The following SIL1 variants were observed in gnomAD, a reference collection of about 807,000 sequenced individuals.
The protein encoded by SIL1 is SIL1 nucleotide exchange factor.
Under a neutral mutation model 49.1 loss-of-function variants are expected in SIL1, and 40 were observed. The observed-to-expected ratio is 0.81, with a 90% CI of 0.63 to 1.06. The LOEUF is 1.06. Among genes scored for constraint, SIL1 ranks in the 50% least tolerant of loss-of-function variants. The pLI is 0.00. For missense variants in SIL1, 500 were observed against 572.6 expected, an observed-to-expected ratio of 0.87 and a Z score of 1.29; for synonymous variants, 253 against 250.8, an observed-to-expected ratio of 1.01 and a Z score of -0.08.
chr5:139,046,475 C>T (rs1387257219), intron 4 of SIL1, among the ~76,000 whole-genome samples: 2 of 152,190 alleles, frequency 1.3e-5, no homozygotes, highest in Non-Finnish European at 2.9e-5. Context: ...TCTCTCTTCT[C>T]CTATAGTCAC....
At chr5:138,970,526 A>G (rs1004929017) in intron 7 of SIL1, among the ~76,000 whole-genome samples, 10 of 152,196 alleles carry the variant, frequency 6.6e-5, no homozygotes, top group African/African-American at 2.4e-4. Flanking sequence ...ACTGGGTCCC[A>G]TTATGAAGAG....
intron 7 of SIL1, among the ~76,000 whole-genome samples, chr5:138,991,861 A>G (rs1210269032): frequency 2.2e-4 from 34 of 152,388 alleles, no homozygotes; most frequent in Admixed American, 2.2e-3. Context: ...GAACCCATCC[A>G]GAAGGGGCTT....
chr5:139,123,839 TG>T (rs758490674), intron 2 of SIL1, among the ~76,000 whole-genome samples: 17 of 152,232 alleles, frequency 1.1e-4, no homozygotes, highest in Non-Finnish European at 2.2e-4. Context: ...CAGATTTTTA[TG>T]TGAAATGTTC....
At chr5:139,079,098 G>A (rs1316713571) in intron 3 of SIL1, among the ~76,000 whole-genome samples, 3 of 152,202 alleles carry the variant, frequency 2.0e-5, no homozygotes, top group Non-Finnish European at 2.9e-5. Flanking sequence ...AGATAGCACA[G>A]AAGTAGATCT....
intron 3 of SIL1, chr5:139,051,283 C>T (rs1333982343): frequency 4.2e-5 from 23 of 551,354 alleles, no homozygotes; most frequent in Non-Finnish European, 6.2e-5. Flanking sequence ...AGAGGATTCA[C>T]ACTTGAATCT....
At chr5:139,119,459 G>A (rs1017983131) in intron 3 of SIL1, among the ~76,000 whole-genome samples, 17 of 152,216 alleles carry the variant, frequency 1.1e-4, no homozygotes, top group African/African-American at 7.2e-5. Flanking sequence ...GAACTTGCCT[G>A]GTTAAAAGTG....
chr5:139,127,889 A>G, intron 1 of SIL1, 36 bp from the exon 2 acceptor site: 5 of 1,330,586 alleles, frequency 3.8e-6, no homozygotes, highest in Non-Finnish European at 5.3e-6. Context: ...AAGGTCAATG[A>G]AAAGCTAATG....
intron 7 of SIL1, among the ~76,000 whole-genome samples, chr5:139,010,591 G>A (rs1475280101): frequency 6.7e-6 from 1 of 150,018 alleles, no homozygotes; most frequent in Non-Finnish European, 1.5e-5. Context: ...CATCTTTGTG[G>A]TTTTATCTAC....
At chr5:138,959,822 G>T (rs765311711) in intron 7 of SIL1, among the ~76,000 whole-genome samples, 2 of 152,164 alleles carry the variant, frequency 1.3e-5, no homozygotes, top group Non-Finnish European at 2.9e-5. Flanking sequence ...GGGCCACTCT[G>T]CCCCTAATGC....
intron 3 of SIL1, among the ~76,000 whole-genome samples, chr5:139,080,443 T>C (rs879653925): frequency 2.6e-5 from 4 of 152,234 alleles, no homozygotes; most frequent in African/African-American, 7.2e-5. Flanking sequence ...TTGAGAAAGA[T>C]AGCCTAAAGG....
intron 3 of SIL1, among the ~76,000 whole-genome samples, chr5:139,101,439 A>G (rs897267976): frequency 1.3e-5 from 2 of 152,180 alleles, no homozygotes; most frequent in African/African-American, 2.4e-5. Flanking sequence ...ATGACTACCA[A>G]CGTTGAACTT....
At chr5:139,172,661 A>G (rs1344853354) in intron 1 of SIL1, among the ~76,000 whole-genome samples, 1 of 151,916 alleles carries the variant, frequency 6.6e-6, no homozygotes, top group Non-Finnish European at 1.5e-5. Context: ...AGACAAAGAC[A>G]AAATCTTGAA....
intron 1 of SIL1, 107 bp from the exon 2 acceptor site, chr5:139,127,960 G>A (rs910013995): frequency 1.1e-5 from 8 of 742,536 alleles, no homozygotes; most frequent in Non-Finnish European, 1.7e-5. Flanking sequence ...GACATTTCCT[G>A]CATAGAGGTA....
In SIL1 at chr5:138,947,248, C is replaced by T. The variant is rs398124389; in HGVS notation, c.1255G>A (p.Gly419Ser). The change falls in exon 10 of 10, where the codon GGC becomes AGC. Residue 419 changes from glycine (G) to serine (S), a missense_variant. Gly to Ser is a moderately conservative substitution (Grantham distance 56). Transcript: ENST00000394817. This position sits in a 1 kb window ranked among gnomAD's most constrained non-coding sequence, Gnocchi z 4.1. ...RDRYRQDPQL[G>S]RTLASLQAEY... is the part of the protein sequence containing the mutation. ...GCCTGCAGGCTGGCCAGTGTCCTGC[C>T]GAGCTGGGGGTCCTGACGGTAGCGG... 38 of 1,613,392 alleles carry T rather than the reference C, an allele frequency of 2.4e-5. No individual in the cohort carries two copies. In the Admixed American group the frequency reaches 3.0e-4, roughly 13 times the overall value.
At chr5:139,188,270 C>G (rs1752111160) in intron 1 of SIL1, among the ~76,000 whole-genome samples, 1 of 152,108 alleles carries the variant, frequency 6.6e-6, no homozygotes, top group South Asian at 2.1e-4. Context: ...TGTAATAATT[C>G]TGGAGCACAG....
chr5:138,963,334 T>A lies in SIL1; in HGVS notation c.768-11450A>T, dbSNP rs149822717. Among the ~76,000 whole-genome samples, 393 of 152,318 alleles carry A rather than the reference T, an allele frequency of 2.6e-3. 2 individuals carry two copies. The highest frequency in any genetic ancestry group is 8.3e-3 in the African/African-American group (343 of 41,570). ...CCTCCACATCCCCTCACCCTCCTTGTGTTCTGTCATAAACTTGATAAACAT... is the reference window on the plus strand; with the variant it reads ...CCTCCACATCCCCTCACCCTCCTTGAGTTCTGTCATAAACTTGATAAACAT... On this transcript the variant is annotated intron_variant, in intron 7 of 9. Transcript: ENST00000394817.
At chr5:139,007,475 T>C (rs1320345912) in intron 7 of SIL1, among the ~76,000 whole-genome samples, 2 of 107,814 alleles carry the variant, frequency 1.9e-5, no homozygotes, top group Non-Finnish European at 3.7e-5. Context: ...CTAATTGCCC[T>C]GGCCAGAACT....
intron 1 of SIL1, among the ~76,000 whole-genome samples, chr5:139,128,301 G>A (rs539975222): frequency 6.6e-6 from 1 of 152,208 alleles, no homozygotes; most frequent in Admixed American, 6.5e-5. Flanking sequence ...TATCCTCTAA[G>A]ACAGCAAAGT....
At chr5:138,988,897 T>C (rs1301453683) in intron 7 of SIL1, among the ~76,000 whole-genome samples, 1 of 152,152 alleles carries the variant, frequency 6.6e-6, no homozygotes, top group Non-Finnish European at 1.5e-5. Flanking sequence ...AAAATACTTA[T>C]ATAGTTAAAC....
Sources: gnomAD v4.1 joint callset for allele counts (sites outside exome capture counted in the v4.1 genomes callset) on GRCh38, gnomAD v4.1.1 for gene constraint, Gnocchi (gnomAD v3.1) non-coding constraint, MANE v1.5 for transcripts, NCBI Gene and HGNC (gene_info 2026-07-23, HGNC 2026-07-21) for gene names.